The following APAF1 variants were observed in gnomAD, a reference collection of about 807,000 sequenced individuals.
The protein encoded by APAF1 is apoptotic protease-activating factor 1.
APAF1 carries 91 observed loss-of-function variants against 152.4 expected under a neutral mutation model. The ratio of observed to expected loss-of-function variants is 0.60; its 90% CI spans 0.50 to 0.71. APAF1 has a LOEUF of 0.71. Ranked by LOEUF, APAF1 falls within the 30% of genes least tolerant of loss-of-function variation. The pLI is 0.00. For synonymous variants in APAF1, 484 were observed against 494.1 expected (o/e 0.98, Z 0.27); for missense variants, 1,283 against 1,472.0 (o/e 0.87, Z 2.10).
chr12:98,723,409 C>G (rs2097745855), intron 23 of APAF1, 97 bp downstream of exon 23: 1 of 1,385,054 alleles, frequency 7.2e-7, no homozygotes. Flanking sequence ...TAATTACTTA[C>G]TTAAAAATTT....
chr12:98,667,156 G>T (rs1198910045), intron 9 of APAF1, among the ~76,000 whole-genome samples: 2 of 151,190 alleles, frequency 1.3e-5, no homozygotes, highest in East Asian at 3.9e-4. Context: ...TGCCCAGGCT[G>T]GCATGCAGTG....
At chr12:98,648,168 C>G (rs927094467) in intron 1 of APAF1, 151 bp from the exon 2 acceptor site, 1 of 663,304 alleles carries the variant, frequency 1.5e-6, no homozygotes, top group African/African-American at 1.8e-5. Flanking sequence ...TTTCTCATAC[C>G]TTTCCAAGCA....
At position 98,725,380 on chromosome 12, in the gene APAF1, T is replaced by G. The variant is rs372682086; in HGVS notation, c.3331-35T>G. Reference sequence around the variant, plus strand: ...AAGGCAGATGCTTATTTTGAGTGTTTATAGCATTGCTAAACAATCCTAATT... The same window carrying G: ...AAGGCAGATGCTTATTTTGAGTGTTGATAGCATTGCTAAACAATCCTAATT... On this transcript the variant is annotated intron_variant, in intron 24 of 26. Transcript: ENST00000551964. 2.5e-5 allele frequency: 40 copies of G among 1,613,394 alleles called. No homozygotes were observed. The African/African-American group carries it at 4.4e-4, about 18-fold the overall frequency.
Position 98,666,294 on chromosome 12 carries a change from T to C in APAF1, c.1299T>C (p.Phe433=), listed in dbSNP as rs773139246. 1.1e-5 allele frequency: 17 copies of C among 1,613,956 alleles called. No individual in the cohort carries two copies. Among genetic ancestry groups the C allele is most frequent in the Admixed American group, 1.7e-5 (1 of 60,016 alleles). The change falls in exon 9 of 27, where the codon TTT becomes TTC. Residue 433 remains phenylalanine, a synonymous_variant. Coordinates refer to ENST00000551964, the MANE Select transcript of APAF1 (RefSeq NM_181861.2). ...LLFCDRNGKS[F]RYYLHDLQVD... ...TCTGTGATCGGAATGGAAAGTCGTT[T>C]CGTTATTATTTACATGATCTTCAAG...
chr12:98,665,381 C>T (rs577777193), intron 7 of APAF1, among the ~76,000 whole-genome samples, 172 bp from the exon 8 acceptor site: 2 of 142,274 alleles, frequency 1.4e-5, no homozygotes, highest in Non-Finnish European at 3.1e-5. Flanking sequence ...TTTCTTATTT[C>T]TAATTTTTTT....
At chr12:98,693,129 G>A (rs2097706163) in intron 16 of APAF1, among the ~76,000 whole-genome samples, 1 of 151,632 alleles carries the variant, frequency 6.6e-6, no homozygotes. Flanking sequence ...TCCTTGTAGA[G>A]ATCTTTGACT....
At chr12:98,723,063 A>C (rs1225246024) in intron 22 of APAF1, 130 bp from the exon 23 acceptor site, 1 of 940,210 alleles carries the variant, frequency 1.1e-6, no homozygotes, top group African/African-American at 1.6e-5. Flanking sequence ...CTTCTCTCTT[A>C]TTCCTCTCTG....
intron 9 of APAF1, 125 bp downstream of exon 9, chr12:98,666,482 T>A (rs2097672915): frequency 2.2e-6 from 2 of 895,372 alleles, no homozygotes; most frequent in South Asian, 3.2e-5. Context: ...TCCCCTAATA[T>A]TAACATTTTA....
intron 20 of APAF1, among the ~76,000 whole-genome samples, chr12:98,710,443 T>C (rs2097726725): frequency 6.6e-6 from 1 of 151,934 alleles, no homozygotes; most frequent in South Asian, 2.1e-4. Flanking sequence ...TGAAATGAGA[T>C]AGTGATGTCA....
chr12:98,726,964 G>A (rs1259532935), intron 25 of APAF1, among the ~76,000 whole-genome samples: 2 of 151,628 alleles, frequency 1.3e-5, no homozygotes, highest in African/African-American at 4.9e-5. Flanking sequence ...TTCTTATTCT[G>A]GTGTACCTTT....
Position 98,667,617 on chromosome 12 carries a change from T to TG in APAF1, c.1467_1468insG (p.His490AlafsTer22), listed in dbSNP as rs1328133115. The TG allele has an allele frequency of 6.2e-7, 1 of 1,613,920 alleles. No individual in the cohort carries two copies. The highest frequency in any genetic ancestry group is 1.7e-5 in the Admixed American group (1 of 60,026). ...TGTATTGGTACAACTTTCTGGCCTATCACATGGCCAGTGCCAAGATGCACA... is the reference window on the plus strand; with the variant it reads ...TGTATTGGTACAACTTTCTGGCCTATGCACATGGCCAGTGCCAAGATGCACA... On this transcript the variant is annotated frameshift_variant, in exon 10 of 27. Transcript: ENST00000551964. LOFTEE classifies it high-confidence loss of function.
chr12:98,720,465 A>C (rs991496117), intron 22 of APAF1, among the ~76,000 whole-genome samples: 6 of 152,318 alleles, frequency 3.9e-5, no homozygotes, highest in Admixed American at 1.3e-4. Context: ...AAAGCCTGGA[A>C]TCCAGTAAGG....
intron 1 of APAF1, among the ~76,000 whole-genome samples, chr12:98,647,325 T>G (rs2097642503): frequency 6.6e-6 from 1 of 151,292 alleles, no homozygotes; most frequent in Non-Finnish European, 1.5e-5. Flanking sequence ...AACTCAAACA[T>G]TTCGATGAAT....
At chr12:98,704,234 C>G (rs141911270) in intron 18 of APAF1, among the ~76,000 whole-genome samples, 19 of 152,162 alleles carry the variant, frequency 1.2e-4, no homozygotes, top group Non-Finnish European at 2.6e-4. Context: ...TCCCAAAATG[C>G]TGGGATTACA....
chr12:98,684,668 A>G (rs2097696121), intron 15 of APAF1, among the ~76,000 whole-genome samples: 1 of 152,164 alleles, frequency 6.6e-6, no homozygotes, highest in Non-Finnish European at 1.5e-5. Flanking sequence ...GTAGTAACAT[A>G]AAATTATATC....
At chr12:98,689,213 G>T (rs1236566977) in intron 16 of APAF1, among the ~76,000 whole-genome samples, 1 of 152,134 alleles carries the variant, frequency 6.6e-6, no homozygotes, top group Non-Finnish European at 1.5e-5. Context: ...CCGTCATTCT[G>T]CCACATCCTT....
At position 98,708,706 on chromosome 12, in the gene APAF1, T is replaced by G. The variant is rs1256509223; in HGVS notation, c.2841+2T>G. 1 of 1,611,752 alleles carries G rather than the reference T, an allele frequency of 6.2e-7. No individual in the cohort carries two copies. The highest frequency in any genetic ancestry group is 8.5e-7 in the Non-Finnish European group (1 of 1,178,800). ...GTTGACCATATAAGACGTCTGCAAG[T>G]GAGTATTTTTTAGAAAACAATTGGA... On this transcript the variant is annotated splice_donor_variant, in intron 20 of 26. Coordinates refer to ENST00000551964, the MANE Select transcript of APAF1 (RefSeq NM_181861.2). LOFTEE classifies it high-confidence loss of function.
Position 98,700,989 on chromosome 12 carries a change from CTTTG to C in APAF1, c.2466+1424_2466+1427del, listed in dbSNP as rs1257786463. 1.0e-3 allele frequency among the ~76,000 whole-genome samples: 151 copies of C among 151,188 alleles called. 1 individual carries two copies. Among genetic ancestry groups the C allele is most frequent in the African/African-American group, 3.5e-3 (144 of 41,256 alleles). ...ATTGTATGTATATATCACATTTTTTCTTTGTTTTTTTTTTTCTTACAAACCAGTG... is the reference window on the plus strand; with the variant it reads ...ATTGTATGTATATATCACATTTTTTCTTTTTTTTTTTCTTACAAACCAGTG... On this transcript the variant is annotated intron_variant, in intron 17 of 26. Transcript: ENST00000551964.
chr12:98,670,027 C>A (rs192728631), intron 10 of APAF1, among the ~76,000 whole-genome samples: 2 of 152,002 alleles, frequency 1.3e-5, no homozygotes, highest in African/African-American at 4.8e-5. Context: ...TCACTGCAAC[C>A]GCCACTTCCT....
Sources: allele counts gnomAD v4.1 joint callset (sites outside exome capture counted in the v4.1 genomes callset), GRCh38; gene constraint gnomAD v4.1.1; transcripts MANE v1.5; gene names NCBI Gene and HGNC (gene_info 2026-07-23, HGNC 2026-07-21).